LAMA2: variants seen among roughly 807,000 people sequenced by gnomAD.
The protein encoded by LAMA2 is laminin subunit alpha-2.
A neutral mutation model predicts 364.8 loss-of-function variants in LAMA2; 269 were observed. The observed-to-expected ratio is 0.74, with a 90% CI of 0.67 to 0.82. The LOEUF (loss-of-function observed/expected upper bound fraction) is 0.82, where lower values mean the gene tolerates loss of function less well. Among genes scored for constraint, LAMA2 ranks in the 40% least tolerant of loss-of-function variants. The probability of loss-of-function intolerance (pLI) is 0.00; values close to 1 mark genes in which losing one functional copy is unlikely to be tolerated. For missense variants in LAMA2, 3,807 were observed against 3,873.2 expected, an observed-to-expected ratio of 0.98 and a Z score of 0.45; for synonymous variants, 1,379 against 1,370.6, an observed-to-expected ratio of 1.01 and a Z score of -0.14.
chr6:129,172,552 G>A lies in LAMA2; in HGVS notation c.1307-5154G>A, dbSNP rs534200255. Among the ~76,000 whole-genome samples, 322 of 152,354 alleles carry A rather than the reference G, an allele frequency of 2.1e-3. 4 individuals are homozygous for A. Among genetic ancestry groups the A allele is most frequent in the African/African-American group, 7.3e-3 (303 of 41,576 alleles). On this transcript the variant is annotated intron_variant, in intron 9 of 64. Coordinates refer to ENST00000421865, the MANE Select transcript of LAMA2 (RefSeq NM_000426.4). ...CCCGTTCTTAGATCTCCAGCTGCGT[G>A]CTGGGAGAACCACTGCTCTCTTCAA...
chr6:129,079,575 ATAGT>A (rs993311778), intron 3 of LAMA2, among the ~76,000 whole-genome samples: 2 of 151,224 alleles, frequency 1.3e-5, no homozygotes, highest in Non-Finnish European at 2.9e-5. Flanking sequence ...TTCTTTTTAA[ATAGT>A]TAGCATCAAA....
At chr6:129,313,984 T>C (rs1237445010) in intron 23 of LAMA2, among the ~76,000 whole-genome samples, 1 of 152,248 alleles carries the variant, frequency 6.6e-6, no homozygotes, top group Admixed American at 6.5e-5. Flanking sequence ...GCTGCCTATT[T>C]CTTACAGCTT....
At chr6:129,245,072 A>G (rs1421149611) in intron 12 of LAMA2, among the ~76,000 whole-genome samples, 2 of 152,116 alleles carry the variant, frequency 1.3e-5, no homozygotes, top group South Asian at 4.1e-4. Context: ...ATCTCCAGGA[A>G]TGGAGGTAAA....
chr6:129,440,836 G>C lies in LAMA2; in HGVS notation c.6106G>C (p.Ala2036Pro). 6.2e-7 allele frequency: 1 copy of C among 1,613,868 alleles called. No individual in the cohort carries two copies. The highest frequency in any genetic ancestry group is 8.5e-7 in the Non-Finnish European group (1 of 1,179,858). ...IPNDTAAKLQ[A>P]VKDKARQAND... ...GACAGATACAGCTGCTAAACTGCAAGCTGTTAAGGACAAAGCCAGACAAGC... is the reference window on the plus strand; with the variant it reads ...GACAGATACAGCTGCTAAACTGCAACCTGTTAAGGACAAAGCCAGACAAGC... Residue 2036 changes from alanine to proline, a missense_variant, in exon 43 of 65, where the codon GCT becomes CCT. This residue lies in a region of LAMA2 where 3,333 missense variants were observed against 3,345.7 expected (regional missense o/e 1.00). Coordinates refer to ENST00000421865, the MANE Select transcript of LAMA2 (RefSeq NM_000426.4).
intron 10 of LAMA2, among the ~76,000 whole-genome samples, chr6:129,179,155 T>C (rs1017699230): frequency 6.6e-6 from 1 of 152,116 alleles, no homozygotes; most frequent in African/African-American, 2.4e-5. Context: ...CCTCTCCATC[T>C]TGTATGTCTC....
At chr6:129,430,253 C>G (rs1213655171) in intron 41 of LAMA2, among the ~76,000 whole-genome samples, 1 of 152,146 alleles carries the variant, frequency 6.6e-6, no homozygotes, top group African/African-American at 2.4e-5. Flanking sequence ...AGTCATTTCT[C>G]TCTCTATGGT....
intron 1 of LAMA2, among the ~76,000 whole-genome samples, chr6:128,960,583 C>T (rs1428037938): frequency 2.6e-5 from 4 of 151,984 alleles, no homozygotes; most frequent in East Asian, 1.9e-4. Flanking sequence ...TGGTCTGGAA[C>T]GCCTGACCTC....
intron 1 of LAMA2, among the ~76,000 whole-genome samples, chr6:128,991,013 A>T (rs559783600): frequency 6.6e-6 from 1 of 152,112 alleles, no homozygotes; most frequent in African/African-American, 2.4e-5. Flanking sequence ...GTGTTTGATG[A>T]GGGATTGTAA....
At chr6:129,151,719 A>G (rs564612978) in intron 7 of LAMA2, among the ~76,000 whole-genome samples, 2 of 152,252 alleles carry the variant, frequency 1.3e-5, no homozygotes, top group East Asian at 3.9e-4. Context: ...AGCCCCTTAT[A>G]AAACCATCAG....
chr6:129,253,275 A>C (rs1236686412), intron 14 of LAMA2, among the ~76,000 whole-genome samples: 1 of 152,192 alleles, frequency 6.6e-6, no homozygotes, highest in Admixed American at 6.5e-5. Flanking sequence ...TAGACATTCA[A>C]ATGTGACCCC....
intron 18 of LAMA2, among the ~76,000 whole-genome samples, chr6:129,281,000 C>A (rs1788679167): frequency 1.3e-5 from 2 of 152,082 alleles, no homozygotes; most frequent in South Asian, 4.1e-4. Context: ...CCTGTTTCAA[C>A]CAGGATGCAT....
chr6:129,167,643 G>A (rs1439591145), intron 9 of LAMA2, among the ~76,000 whole-genome samples: 4 of 152,098 alleles, frequency 2.6e-5, no homozygotes, highest in African/African-American at 9.7e-5. Flanking sequence ...TGTCTTCATA[G>A]CAGCATGATT....
intron 1 of LAMA2, among the ~76,000 whole-genome samples, chr6:128,909,615 T>A (rs1252925891): frequency 6.7e-6 from 1 of 149,076 alleles, no homozygotes; most frequent in Non-Finnish European, 1.5e-5. Flanking sequence ...GTCTTTTAAT[T>A]GGAGCATTTA....
chr6:129,080,181 A>G (rs569150851), intron 3 of LAMA2, among the ~76,000 whole-genome samples: 2 of 152,176 alleles, frequency 1.3e-5, no homozygotes, highest in African/African-American at 2.4e-5. Flanking sequence ...TAAGAAAGAT[A>G]CTATTATAAT....
At chr6:129,350,253 A>C (rs1465029879) in intron 31 of LAMA2, among the ~76,000 whole-genome samples, 1 of 152,236 alleles carries the variant, frequency 6.6e-6, no homozygotes, top group East Asian at 1.9e-4. Flanking sequence ...AGTTTTAGAA[A>C]GATCCATAGA....
intron 1 of LAMA2, among the ~76,000 whole-genome samples, chr6:128,915,947 T>C (rs1190447120): frequency 6.6e-6 from 1 of 152,236 alleles, no homozygotes; most frequent in African/African-American, 2.4e-5. Flanking sequence ...AAATAAGATG[T>C]GTAATACAGC....
At chr6:128,978,967 G>T (rs1435535294) in intron 1 of LAMA2, among the ~76,000 whole-genome samples, 1 of 152,170 alleles carries the variant, frequency 6.6e-6, no homozygotes, top group Non-Finnish European at 1.5e-5. Context: ...GGAATGCAAA[G>T]ATGAAGGGAA....
intron 32 of LAMA2, among the ~76,000 whole-genome samples, chr6:129,363,981 A>C (rs571495577): frequency 5.9e-5 from 9 of 152,168 alleles, no homozygotes; most frequent in Non-Finnish European, 1.3e-4. Context: ...TCTGGCTAGG[A>C]GAAGAGTAAG....
At chr6:128,906,011 C>T (rs1351799393) in intron 1 of LAMA2, among the ~76,000 whole-genome samples, 258 of 150,444 alleles carry the variant, frequency 1.7e-3, no homozygotes, top group East Asian at 0.012. Flanking sequence ...ATATGTGCCA[C>T]ATTTTCTTAA....
Sources: allele counts gnomAD v4.1 joint callset (sites outside exome capture counted in the v4.1 genomes callset), GRCh38; gene constraint gnomAD v4.1.1; regional missense constraint gnomAD v4.1.1; transcripts MANE v1.5; gene names NCBI Gene and HGNC (gene_info 2026-07-23, HGNC 2026-07-21).